Variants in DOCK2 observed in about 807,000 individuals in gnomAD.
DOCK2 encodes the protein dedicator of cytokinesis 2.
DOCK2 carries 87 observed loss-of-function variants against 248.9 expected under a neutral mutation model. The observed-to-expected ratio is 0.35, with a 90% confidence interval of 0.29 to 0.42. DOCK2 has a LOEUF of 0.42. DOCK2 is among the 10% of genes least tolerant of loss of function. The pLI is 1.00. For missense variants in DOCK2, 1,747 were observed against 2,300.2 expected, an observed-to-expected ratio of 0.76 and a Z score of 4.92; for synonymous variants, 805 against 821.6, an observed-to-expected ratio of 0.98 and a Z score of 0.35.
At chr5:169,792,274 C>T (rs377084221) in intron 25 of DOCK2, among the ~76,000 whole-genome samples, 29 of 152,080 alleles carry the variant, frequency 1.9e-4, no homozygotes, top group South Asian at 1.5e-3. Flanking sequence ...ATAGTCACAA[C>T]GTTACTGGAC....
chr5:169,779,112 A>G (rs1007305849), intron 25 of DOCK2, among the ~76,000 whole-genome samples: 7 of 152,158 alleles, frequency 4.6e-5, no homozygotes, highest in African/African-American at 1.7e-4. Context: ...CTTTAAACAA[A>G]ACTACTCCAA....
In DOCK2 at chr5:169,883,072, G is replaced by C. The variant is rs756719112; in HGVS notation, c.2799+42220G>C. The stretch of plus-strand genomic sequence containing the variant: ...GTTGTCTTTGGGCAAAAGCAATTCA[G>C]GTTTAAGTTCCTCTGTGCCTGGTGT... On this transcript the variant is annotated intron_variant, in intron 27 of 51. Coordinates refer to ENST00000520908, the MANE Select transcript of DOCK2 (RefSeq NM_004946.3). The C allele has an allele frequency of 9.2e-5, 143 of 1,551,542 alleles. 2 individuals carry two copies. In the South Asian group the frequency reaches 1.7e-3, roughly 18 times the overall value.
chr5:170,080,189 T>A lies in DOCK2; in HGVS notation c.5193T>A (p.Ser1731Arg). 1 of 1,614,074 alleles carries A rather than the reference T, an allele frequency of 6.2e-7. No individual in the cohort carries two copies. Among genetic ancestry groups the A allele is most frequent in the Non-Finnish European group, 8.5e-7 (1 of 1,179,996 alleles). Reference sequence around the variant, plus strand: ...TTTCCAGGAAGCATGAGTTCATGAGTGACACCAACCTCTCGGAGCATGCGG... The same window carrying A: ...TTTCCAGGAAGCATGAGTTCATGAGAGACACCAACCTCTCGGAGCATGCGG... ...KRLSRKHEFM[S>R]DTNLSEHAAI... Residue 1731 changes from serine (S) to arginine (R), a missense_variant, in exon 50 of 52, where the codon AGT (serine) becomes AGA (arginine). Physicochemically the swap from Ser to Arg is moderately radical, Grantham distance 110 (BLOSUM62 -1). Transcript: ENST00000520908.
chr5:169,804,080 T>C (rs552417607), intron 26 of DOCK2, among the ~76,000 whole-genome samples: 4 of 152,276 alleles, frequency 2.6e-5, no homozygotes, highest in African/African-American at 9.6e-5. Context: ...CCCCTTTCTC[T>C]CTCCTCCCTA....
In DOCK2 at chr5:169,985,808, G is replaced by T; in HGVS notation, c.2899-20G>T. The T allele has an allele frequency of 6.3e-7, 1 of 1,592,612 alleles. No homozygotes were observed. Among genetic ancestry groups the T allele is most frequent in the Non-Finnish European group, 8.6e-7 (1 of 1,167,244 alleles). On this transcript the variant is annotated intron_variant, in intron 28 of 51. Coordinates refer to ENST00000520908, the MANE Select transcript of DOCK2 (RefSeq NM_004946.3). The stretch of plus-strand genomic sequence containing the variant: ...TCCTGTAAAACAGGATGACATGTGT[G>T]CTGTGCTTCATTGTTTCAGGACTTC...
At chr5:169,724,808 A>G (rs994434000) in intron 22 of DOCK2, among the ~76,000 whole-genome samples, 5 of 149,544 alleles carry the variant, frequency 3.3e-5, no homozygotes, top group South Asian at 2.1e-4. Flanking sequence ...CTACCAATCA[A>G]CCTCCACCTT....
chr5:169,678,211 AG>A (rs1197335990), intron 6 of DOCK2, among the ~76,000 whole-genome samples: 1 of 150,468 alleles, frequency 6.6e-6, no homozygotes, highest in East Asian at 1.9e-4. Context: ...CTTAAGACTA[AG>A]GAAAAAAAAA....
chr5:169,856,042 C>T (rs1007308701), intron 27 of DOCK2, among the ~76,000 whole-genome samples: 3 of 152,028 alleles, frequency 2.0e-5, no homozygotes, highest in African/African-American at 7.2e-5. Context: ...CTTATAAAAC[C>T]ATCAGATCTC....
chr5:169,666,700 G>A (rs755553248), intron 2 of DOCK2, among the ~76,000 whole-genome samples: 2 of 152,184 alleles, frequency 1.3e-5, no homozygotes, highest in African/African-American at 4.8e-5. Flanking sequence ...AGGATAGTCC[G>A]GATGCAGTTG....
At chr5:169,892,441 A>G (rs1373885597) in intron 27 of DOCK2, among the ~76,000 whole-genome samples, 2 of 152,384 alleles carry the variant, frequency 1.3e-5, no homozygotes, top group East Asian at 1.9e-4. Context: ...ACTAATGTCA[A>G]TCCAGGTTCT....
At chr5:169,730,892 T>C (rs1367583200) in intron 22 of DOCK2, among the ~76,000 whole-genome samples, 2 of 151,908 alleles carry the variant, frequency 1.3e-5, no homozygotes, top group Non-Finnish European at 2.9e-5. Flanking sequence ...CTCTCTCTCT[T>C]TTTTTTAGAG....
At chr5:169,819,247 T>C (rs1768265106) in intron 26 of DOCK2, among the ~76,000 whole-genome samples, 1 of 151,878 alleles carries the variant, frequency 6.6e-6, no homozygotes, top group Non-Finnish European at 1.5e-5. Context: ...GAGGCAGAGG[T>C]TGTAGTGAGC....
intron 4 of DOCK2, 146 bp downstream of exon 4, chr5:169,670,743 G>T (rs762374546): frequency 1.1e-6 from 1 of 930,382 alleles, no homozygotes; most frequent in Non-Finnish European, 1.6e-6. Flanking sequence ...TCTCCTTTCC[G>T]TTACTCAATG....
chr5:169,869,756 A>G (rs1561780856), intron 27 of DOCK2, among the ~76,000 whole-genome samples: 2 of 152,170 alleles, frequency 1.3e-5, no homozygotes, highest in Non-Finnish European at 2.9e-5. Context: ...ACAGTGGGAG[A>G]GACTCTCTGC....
At chr5:169,930,733 G>T (rs371031772) in intron 27 of DOCK2, among the ~76,000 whole-genome samples, 1 of 152,252 alleles carries the variant, frequency 6.6e-6, no homozygotes, top group African/African-American at 2.4e-5. Flanking sequence ...CTACATCTTC[G>T]CCCTTTGAGA....
intron 8 of DOCK2, among the ~76,000 whole-genome samples, chr5:169,685,397 G>A (rs918299459): frequency 2.6e-5 from 4 of 152,160 alleles, no homozygotes; most frequent in African/African-American, 9.7e-5. Flanking sequence ...CTCTACTTGT[G>A]GCTTAGACCA....
At chr5:169,928,344 AG>A (rs1262777193) in intron 27 of DOCK2, among the ~76,000 whole-genome samples, 3 of 152,222 alleles carry the variant, frequency 2.0e-5, no homozygotes, top group Non-Finnish European at 4.4e-5. Context: ...CTGCCTTACC[AG>A]GGATGCCCTA....
At chr5:169,860,037 C>G (rs1010731374) in intron 27 of DOCK2, among the ~76,000 whole-genome samples, 1 of 139,662 alleles carries the variant, frequency 7.2e-6, no homozygotes, top group African/African-American at 2.7e-5. Flanking sequence ...GTGGCATGGT[C>G]ACAGCTAACT....
chr5:169,698,303 C>A, intron 10 of DOCK2, 71 bp from the exon 11 acceptor site: 1 of 1,502,536 alleles, frequency 6.7e-7, no homozygotes, highest in Admixed American at 1.7e-5. Context: ...GTCCCATAAG[C>A]TCATCCCACT....
Sources: gnomAD v4.1 joint callset for allele counts (sites outside exome capture counted in the v4.1 genomes callset) on GRCh38, gnomAD v4.1.1 for gene constraint, MANE v1.5 for transcripts, NCBI Gene and HGNC (gene_info 2026-07-23, HGNC 2026-07-21) for gene names.